Variants in FMN2 observed in about 807,000 individuals in gnomAD.
FMN2 encodes formin 2.
A neutral mutation model predicts 142.3 loss-of-function variants in FMN2; 51 were observed. The ratio of observed to expected loss-of-function variants is 0.36; its 90% confidence interval spans 0.29 to 0.45. FMN2 has a LOEUF of 0.45. FMN2 is among the 20% of genes least tolerant of loss of function. The pLI is 1.00. For synonymous variants in FMN2, 882 were observed against 869.8 expected (o/e 1.01, Z -0.25); for missense variants, 1,936 against 2,122.8 (o/e 0.91, Z 1.73).
chr1:240,307,709 C>T (rs1320014091), intron 8 of FMN2, among the ~76,000 whole-genome samples: 1 of 152,136 alleles, frequency 6.6e-6, no homozygotes, highest in Non-Finnish European at 1.5e-5. Flanking sequence ...TTAGGATTGC[C>T]TTGGCTATTG....
rs1676915050 is a variant in FMN2, at chr1:240,474,611, A to G, written c.*457A>G. On this transcript the variant is annotated 3_prime_UTR_variant, in exon 18 of 18. Transcript: ENST00000319653. ...AATTGTTTGTATCAGTTTCATGTCT[A>G]AGTATAAATTTTCTATTTTAAAATT... is the stretch of plus-strand genomic sequence containing the variant. 1 of 153,354 alleles carries G rather than the reference A, an allele frequency of 6.5e-6. No homozygotes were observed. The highest frequency in any genetic ancestry group is 1.5e-5 in the Non-Finnish European group (1 of 68,560). The allele number at this position is 153,354 out of a possible 1,614,324, so 9.5% of individuals were successfully genotyped here.
intron 2 of FMN2, among the ~76,000 whole-genome samples, chr1:240,141,557 A>G (rs368310054): frequency 6.6e-6 from 1 of 151,906 alleles, no homozygotes; most frequent in South Asian, 2.1e-4. Context: ...TTTAGTAGAG[A>G]TGGGGTTTCA....
rs767117704 is a variant in FMN2, at chr1:240,093,414, G to A, written c.1305G>A (p.Gln435=). 2 of 1,613,364 alleles carry A rather than the reference G, an allele frequency of 1.2e-6. No individual in the cohort carries two copies. The highest frequency in any genetic ancestry group is 1.3e-5 in the African/African-American group (1 of 74,856). ...GCTCGCCCAATCACTCCCCGTCTCA[G>A]TCCCCTAATCAGAGCCCCAGGATCA... ...QLSSPNHSPS[Q]SPNQSPRIKR... Residue 435 remains glutamine (Q), a synonymous_variant, in exon 1 of 18, where the codon CAG becomes CAA. Coordinates refer to ENST00000319653, the MANE Select transcript of FMN2 (RefSeq NM_020066.5).
At chr1:240,368,432 CAT>C (rs761102805) in intron 14 of FMN2, among the ~76,000 whole-genome samples, 1 of 152,018 alleles carries the variant, frequency 6.6e-6, no homozygotes, top group African/African-American at 2.4e-5. Flanking sequence ...TTAAGATTTC[CAT>C]ATGTTTTTGT....
chr1:240,249,618 G>C (rs950926571), intron 6 of FMN2, among the ~76,000 whole-genome samples: 1 of 151,988 alleles, frequency 6.6e-6, no homozygotes, highest in East Asian at 1.9e-4. Flanking sequence ...AGAATTTTAC[G>C]GTTGCTTTTG....
chr1:240,370,052 C>T (rs9725359), intron 14 of FMN2, among the ~76,000 whole-genome samples: 1 of 151,916 alleles, frequency 6.6e-6, no homozygotes, highest in Non-Finnish European at 1.5e-5. Context: ...GTGGTTATGT[C>T]GGACGATTTG....
chr1:240,443,506 G>A (rs1343744476), intron 16 of FMN2, among the ~76,000 whole-genome samples: 1 of 152,206 alleles, frequency 6.6e-6, no homozygotes, highest in Non-Finnish European at 1.5e-5. Context: ...GGGAGGCCAA[G>A]CACTTTGGGA....
chr1:240,281,120 G>A (rs926435437), intron 7 of FMN2, among the ~76,000 whole-genome samples: 2 of 152,132 alleles, frequency 1.3e-5, no homozygotes, highest in African/African-American at 2.4e-5. Context: ...GAAGCCTACC[G>A]ACTTAATCAG....
chr1:240,205,029 T>C (rs73115008), intron 4 of FMN2, among the ~76,000 whole-genome samples: 3,455 of 152,314 alleles, frequency 0.023, 134 homozygotes, highest in African/African-American at 0.078. Flanking sequence ...ATATTATCTT[T>C]ATATTACCTG....
chr1:240,274,493 G>A (rs200046369), intron 7 of FMN2, among the ~76,000 whole-genome samples: 3 of 152,078 alleles, frequency 2.0e-5, no homozygotes, highest in Non-Finnish European at 4.4e-5. Context: ...TGGGGTCTGC[G>A]GGGGAGGGAG....
At chr1:240,138,612 C>T (rs1430717991) in intron 2 of FMN2, among the ~76,000 whole-genome samples, 1 of 151,942 alleles carries the variant, frequency 6.6e-6, no homozygotes, top group Non-Finnish European at 1.5e-5. Flanking sequence ...GAGGCTGAGG[C>T]AAGAGAATCG....
In FMN2 at chr1:240,418,214, T is replaced by C. The variant is rs571559825; in HGVS notation, c.4911-19847T>C. Reference sequence around the variant, plus strand: ...ATATTTATTATGATTTTTTTTTTTTTTTTGAGATGGAGTCTCACTCTGTCG... The same window carrying C: ...ATATTTATTATGATTTTTTTTTTTTCTTTGAGATGGAGTCTCACTCTGTCG... On this transcript the variant is annotated intron_variant, in intron 15 of 17. Transcript: ENST00000319653. Among the ~76,000 whole-genome samples the C allele has an allele frequency of 6.0e-5, 9 of 151,206 alleles. No individual in the cohort carries two copies. The East Asian group carries it at 1.7e-3, about 29-fold the overall frequency.
At chr1:240,228,303 C>CAAAAAAAAAAAAA (rs577421634) in intron 6 of FMN2, among the ~76,000 whole-genome samples, 88 of 47,728 alleles carry the variant, frequency 1.8e-3, no homozygotes, top group Admixed American at 3.0e-3. Flanking sequence ...AACTCTGTCT[C>CAAAAAAAAAAAAA]AAAAAAAAAA....
rs1334249487 is a variant in FMN2 at position 240,473,140 on chromosome 1, G to A, written c.5142+687G>A. Among the ~76,000 whole-genome samples, 2 of 152,110 alleles carry A rather than the reference G, an allele frequency of 1.3e-5. No individual in the cohort carries two copies. The highest frequency in any genetic ancestry group is 4.8e-5 in the African/African-American group (2 of 41,404). ...TGGATTAGATCCACTGGGATGTAAA[G>A]TTGGTGGGAAGCGCCAAGAGCAGTG... On this transcript the variant is annotated intron_variant, in intron 17 of 17. Transcript: ENST00000319653. This position sits in a 1 kb window ranked among gnomAD's most constrained non-coding sequence, Gnocchi z 4.3.
chr1:240,132,343 A>T (rs1662774320), intron 2 of FMN2, among the ~76,000 whole-genome samples: 1 of 152,192 alleles, frequency 6.6e-6, no homozygotes, highest in Admixed American at 6.5e-5. Flanking sequence ...TTGACCAATC[A>T]AAAGATTAAA....
intron 16 of FMN2, among the ~76,000 whole-genome samples, chr1:240,442,261 T>C (rs1032526530): frequency 6.6e-6 from 1 of 152,198 alleles, no homozygotes; most frequent in Non-Finnish European, 1.5e-5. Flanking sequence ...TATATTCTCA[T>C]AACCCAGGAG....
chr1:240,211,933 T>G lies in FMN2; in HGVS notation c.4065+698T>G, dbSNP rs368077673. 3.3e-5 allele frequency among the ~76,000 whole-genome samples: 5 copies of G among 152,278 alleles called. No individual in the cohort carries two copies. The East Asian group carries it at 5.8e-4, about 18-fold the overall frequency. The stretch of plus-strand genomic sequence containing the variant: ...ATTTGGAAAGTAGAGTAAAACCTCA[T>G]GATAATGAACTCCAGATAGAAAGAA... On this transcript the variant is annotated intron_variant, in intron 6 of 17. Transcript: ENST00000319653.
chr1:240,095,377 A>G (rs1661161477), intron 1 of FMN2, among the ~76,000 whole-genome samples: 1 of 108,832 alleles, frequency 9.2e-6, no homozygotes, highest in African/African-American at 3.7e-5. Flanking sequence ...TTGTAAGCAT[A>G]TATGTGCATA....
chr1:240,222,389 G>A (rs10926173), intron 6 of FMN2, among the ~76,000 whole-genome samples: 51,160 of 151,938 alleles, frequency 0.34, 9,167 homozygotes, highest in Non-Finnish European at 0.39. Context: ...TTTGGTTACT[G>A]TAGCCTTGTA....
Sources: gnomAD v4.1 joint callset for allele counts (sites outside exome capture counted in the v4.1 genomes callset) on GRCh38, gnomAD v4.1.1 for gene constraint, Gnocchi (gnomAD v3.1) non-coding constraint, MANE v1.5 for transcripts, NCBI Gene and HGNC (gene_info 2026-07-23, HGNC 2026-07-21) for gene names.